The following BTAF1 variants were observed in gnomAD, a reference collection of about 807,000 sequenced individuals.
BTAF1 encodes B-TFIID TATA-box binding protein associated factor 1, also known as TATA-binding protein-associated factor 172.
BTAF1 carries 38 observed loss-of-function variants against 227.1 expected under a neutral mutation model. The observed-to-expected ratio is 0.17, with a 90% confidence interval of 0.13 to 0.22. The LOEUF is 0.22. Ranked by LOEUF, BTAF1 falls within the 10% of genes least tolerant of loss-of-function variation. The pLI, the probability that BTAF1 is intolerant of heterozygous loss-of-function variation, is 1.00. For synonymous variants in BTAF1, 742 were observed against 751.9 expected, an observed-to-expected ratio of 0.99 and a Z score of 0.21; for missense variants, 1,598 against 2,204.0, an observed-to-expected ratio of 0.73 and a Z score of 5.51.
chr10:92,006,353 T>C (rs988140433), intron 25 of BTAF1, among the ~76,000 whole-genome samples: 2 of 152,268 alleles, frequency 1.3e-5, no homozygotes, highest in East Asian at 1.9e-4. Context: ...TTAAGTGTTA[T>C]GTGCAATATA....
chr10:91,958,192 G>GT (rs1256730673), intron 8 of BTAF1, among the ~76,000 whole-genome samples: 3 of 152,114 alleles, frequency 2.0e-5, no homozygotes, highest in Non-Finnish European at 4.4e-5. Context: ...GGGACTACAG[G>GT]TGCGTGCCAC....
At chr10:91,932,804 AAGAGAAAAATACTTTATT>A (rs1844359322) in intron 1 of BTAF1, among the ~76,000 whole-genome samples, 1 of 152,258 alleles carries the variant, frequency 6.6e-6, no homozygotes, top group African/African-American at 2.4e-5. Context: ...CAGTTGAACA[AAGAGAAAAATACTTTATT>A]TGTTTGCTGT....
At chr10:91,991,838 C>CATAT (rs377400918) in intron 20 of BTAF1, among the ~76,000 whole-genome samples, 4 of 145,890 alleles carry the variant, frequency 2.7e-5, no homozygotes, top group Admixed American at 6.8e-5. Context: ...TATATACACA[C>CATAT]ATATATACAC....
intron 33 of BTAF1, 104 bp from the exon 34 acceptor site, chr10:92,018,679 G>C: frequency 9.7e-7 from 1 of 1,033,578 alleles, no homozygotes; most frequent in African/African-American, 1.6e-5. Context: ...GAGGGAGAAA[G>C]GCATTCTAAA....
rs537164473 is a variant in BTAF1 at position 91,977,593 on chromosome 10, A to G, written c.1651-2861A>G. Among the ~76,000 whole-genome samples the G allele has an allele frequency of 2.9e-3, 447 of 152,280 alleles. 2 individuals carry two copies. Among genetic ancestry groups the G allele is most frequent in the African/African-American group, 0.01 (431 of 41,554 alleles). On this transcript the variant is annotated intron_variant, in intron 14 of 37. Transcript: ENST00000265990. ...GACTTTTTTGCCTCCTTTGGGTAATATCAAGAAGCACAATTGCTGGATGGT... is the reference window on the plus strand; with the variant it reads ...GACTTTTTTGCCTCCTTTGGGTAATGTCAAGAAGCACAATTGCTGGATGGT...
At chr10:91,924,760 C>G (rs1318496892) in intron 1 of BTAF1, among the ~76,000 whole-genome samples, 1 of 152,140 alleles carries the variant, frequency 6.6e-6, no homozygotes, top group Non-Finnish European at 1.5e-5. Context: ...GAAAAACTAA[C>G]GACATTTATT....
At chr10:91,944,102 G>A (rs1338399464) in intron 4 of BTAF1, among the ~76,000 whole-genome samples, 3 of 151,630 alleles carry the variant, frequency 2.0e-5, no homozygotes, top group Admixed American at 6.6e-5. Context: ...AGTGAGCTGC[G>A]ATCGTGGCCA....
chr10:91,996,860 A>G (rs533929765), intron 24 of BTAF1, among the ~76,000 whole-genome samples: 1 of 152,322 alleles, frequency 6.6e-6, no homozygotes, highest in Non-Finnish European at 1.5e-5. Context: ...TTTATGAACT[A>G]TATGTCTAGT....
intron 1 of BTAF1, among the ~76,000 whole-genome samples, chr10:91,925,775 G>T (rs1423053512): frequency 1.3e-5 from 2 of 152,212 alleles, no homozygotes; most frequent in African/African-American, 4.8e-5. Context: ...CTCCCAAAGT[G>T]CTGGGATTAC....
chr10:92,002,010 A>G (rs541931900), intron 25 of BTAF1, among the ~76,000 whole-genome samples: 138 of 76,408 alleles, frequency 1.8e-3, no homozygotes, highest in African/African-American at 3.3e-3. Flanking sequence ...ACACACACAC[A>G]CACACTCCAT....
intron 1 of BTAF1, among the ~76,000 whole-genome samples, chr10:91,926,079 T>A (rs1271980547): frequency 6.6e-6 from 1 of 152,148 alleles, no homozygotes; most frequent in African/African-American, 2.4e-5. Flanking sequence ...ATTCTTGACT[T>A]TTTCACCTGT....
intron 5 of BTAF1, among the ~76,000 whole-genome samples, chr10:91,953,089 G>A (rs182065159): frequency 2.6e-5 from 4 of 152,288 alleles, no homozygotes; most frequent in Admixed American, 2.6e-4. Context: ...CATGGTTCTT[G>A]ATCAAGACTG....
chr10:91,973,439 A>G (rs1290605012), intron 14 of BTAF1, among the ~76,000 whole-genome samples: 1 of 152,216 alleles, frequency 6.6e-6, no homozygotes, highest in African/African-American at 2.4e-5. Context: ...TAGTAGTTCC[A>G]TTCTGAGCAT....
At chr10:91,941,713 CTG>C (rs1845011432) in intron 3 of BTAF1, among the ~76,000 whole-genome samples, 2 of 152,164 alleles carry the variant, frequency 1.3e-5, no homozygotes, top group African/African-American at 4.8e-5. Flanking sequence ...TAACTGAGCA[CTG>C]TAATAAACTC....
At chr10:92,017,160 A>G (rs1471957920) in intron 33 of BTAF1, among the ~76,000 whole-genome samples, 1 of 152,226 alleles carries the variant, frequency 6.6e-6, no homozygotes, top group Non-Finnish European at 1.5e-5. Flanking sequence ...GACAAAGCCA[A>G]TAATGTGGTT....
chr10:91,969,294 C>A (rs1847129793), intron 14 of BTAF1, among the ~76,000 whole-genome samples: 1 of 151,680 alleles, frequency 6.6e-6, no homozygotes, highest in Admixed American at 6.6e-5. Context: ...ATAAGGTATT[C>A]TGTATAAATG....
rs537631384 is a variant in BTAF1 at position 91,985,073 on chromosome 10, A to G, written c.2427+669A>G. Among the ~76,000 whole-genome samples the G allele has an allele frequency of 1.2e-4, 18 of 152,218 alleles. No homozygotes were observed. In the East Asian group the frequency reaches 3.5e-3, roughly 29 times the overall value. ...CCATTTGGTGAATTTTGACAGATGC[A>G]TATGCCTATGAAACCTGAACCACTG... On this transcript the variant is annotated intron_variant, in intron 19 of 37. Coordinates refer to ENST00000265990, the MANE Select transcript of BTAF1 (RefSeq NM_003972.3).
rs549866625 is a variant in BTAF1, at chr10:91,930,980, C to G, written c.15-4677C>G. ...ATATCAGTGAGGCTTTTTGCCCCTCCCCTCCCGAGATGTTTTAGAGTGGAA... is the reference window on the plus strand; with the variant it reads ...ATATCAGTGAGGCTTTTTGCCCCTCGCCTCCCGAGATGTTTTAGAGTGGAA... On this transcript the variant is annotated intron_variant, in intron 1 of 37. Transcript: ENST00000265990. 2.0e-5 allele frequency among the ~76,000 whole-genome samples: 3 copies of G among 152,126 alleles called. No homozygotes were observed. The South Asian group carries it at 6.2e-4, about 32-fold the overall frequency.
At position 91,924,106 on chromosome 10, in the gene BTAF1, G is replaced by T. The variant is rs765035292; in HGVS notation, c.14+16G>T. ...CGGTCTCCAGGTGGGTCTTGCTCCT[G>T]ACGAGCAAACTGGAAGGCGATTCAG... On this transcript the variant is annotated intron_variant, in intron 1 of 37. Transcript: ENST00000265990. The T allele has an allele frequency of 1.2e-6, 2 of 1,606,662 alleles. No homozygotes were observed. The highest frequency in any genetic ancestry group is 3.4e-5 in the Admixed American group (2 of 59,200).
Sources: allele counts gnomAD v4.1 joint callset (sites outside exome capture counted in the v4.1 genomes callset), GRCh38; gene constraint gnomAD v4.1.1; transcripts MANE v1.5; gene names NCBI Gene and HGNC (gene_info 2026-07-23, HGNC 2026-07-21).